FHAD1: variants seen among roughly 807,000 people sequenced by gnomAD.
The protein encoded by FHAD1 is forkhead associated phosphopeptide binding domain 1, also known as forkhead-associated domain-containing protein 1.
FHAD1 carries 146 observed loss-of-function variants against 191.3 expected under a neutral mutation model. That is an observed-to-expected ratio of 0.76 (90% confidence interval 0.67 to 0.88). The LOEUF is 0.88. FHAD1 is among the 40% of genes least tolerant of loss of function. The pLI is 0.00. For missense variants in FHAD1, 1,635 were observed against 1,785.8 expected (o/e 0.92, Z 1.52); for synonymous variants, 616 against 672.3 (o/e 0.92, Z 1.29).
intron 2 of FHAD1, among the ~76,000 whole-genome samples, chr1:15,260,666 C>T (rs952085091): frequency 1.3e-5 from 2 of 152,254 alleles, no homozygotes; most frequent in Admixed American, 6.5e-5. Context: ...CCGCATGGCT[C>T]AGGGCCCCTT....
At chr1:15,359,086 C>A (rs1693793208) in intron 21 of FHAD1, among the ~76,000 whole-genome samples, 1 of 151,914 alleles carries the variant, frequency 6.6e-6, no homozygotes, top group Non-Finnish European at 1.5e-5. Flanking sequence ...CGCCTGGGGA[C>A]CTGATGGCAT....
rs1367828732 is a variant in FHAD1, at chr1:15,324,474, A to T, written c.1388A>T (p.Asp463Val). 3.9e-6 allele frequency: 6 copies of T among 1,551,804 alleles called. No homozygotes were observed. The highest frequency in any genetic ancestry group is 2.0e-5 in the Admixed American group (1 of 50,996). ...CAGGTTGAAGAGAAGCTTCAGGAGG[A>T]TTCCAGAAGGAAATTGCTTCAGCTG... ...KSKVEEKLQEDSRRKLLQLQE... is the reference protein window; with the variant it reads ...KSKVEEKLQEVSRRKLLQLQE... Residue 463 changes from aspartate (D) to valine (V), a missense_variant, in exon 11 of 34, where the codon GAT becomes GTT. By Grantham distance (152) the Asp-to-Val change is radical. Transcript: ENST00000688493.
chr1:15,362,930 G>T (rs964928060), intron 23 of FHAD1, among the ~76,000 whole-genome samples: 3 of 152,172 alleles, frequency 2.0e-5, no homozygotes, highest in Admixed American at 6.5e-5. Flanking sequence ...AGCCAGGCCT[G>T]CTGCCTTCCC....
chr1:15,383,842 C>T, intron 31 of FHAD1: 2 of 444,102 alleles, frequency 4.5e-6, no homozygotes, highest in Non-Finnish European at 9.1e-6. Context: ...TAAGAGGCGC[C>T]CAAGTGCACA....
intron 27 of FHAD1, 147 bp from the exon 28 acceptor site, chr1:15,375,456 C>A: frequency 1.4e-6 from 1 of 735,408 alleles, no homozygotes; most frequent in Non-Finnish European, 2.1e-6. Flanking sequence ...CATTTAATCT[C>A]TCTAGGACTG....
intron 33 of FHAD1, among the ~76,000 whole-genome samples, chr1:15,393,396 C>T (rs984400033): frequency 3.4e-5 from 5 of 147,976 alleles, no homozygotes; most frequent in African/African-American, 7.7e-5. Context: ...AAAGCAATAG[C>T]CATATCTACA....
At position 15,289,363 on chromosome 1, in the gene FHAD1, G is replaced by T. The variant is rs1364164541; in HGVS notation, c.301-36G>T. On this transcript the variant is annotated intron_variant, in intron 3 of 33. Transcript: ENST00000688493. The surrounding 1 kb of genome is among the most constrained non-coding windows in gnomAD (Gnocchi z 4.2). Reference sequence around the variant, plus strand: ...AAAGAAATGGAGACCATCCCAGCCGGTCATAACCTCCCCTGACCCTTGTCT... The same window carrying T: ...AAAGAAATGGAGACCATCCCAGCCGTTCATAACCTCCCCTGACCCTTGTCT... 7 of 1,540,310 alleles carry T rather than the reference G, an allele frequency of 4.5e-6. No homozygotes were observed. The highest frequency in any genetic ancestry group is 6.1e-6 in the Non-Finnish European group (7 of 1,139,606).
intron 1 of FHAD1, among the ~76,000 whole-genome samples, chr1:15,238,490 AAACAG>A (rs1462808018): frequency 2.0e-5 from 3 of 152,226 alleles, no homozygotes; most frequent in Non-Finnish European, 4.4e-5. Flanking sequence ...GCTATTCAAT[AAACAG>A]ACACAAGGGA....
At chr1:15,283,177 G>T (rs1661194939) in intron 3 of FHAD1, among the ~76,000 whole-genome samples, 1 of 152,260 alleles carries the variant, frequency 6.6e-6, no homozygotes, top group African/African-American at 2.4e-5. Context: ...CCATGGAAAG[G>T]GGTGGTACCT....
Position 15,381,928 on chromosome 1 carries a change from C to T in FHAD1, c.4023-100C>T. Reference sequence around the variant, plus strand: ...TTGTGATGACACTCCTGAGTGAGCCCCCACTGTGGATGTATTTTGAGAGAC... The same window carrying T: ...TTGTGATGACACTCCTGAGTGAGCCTCCACTGTGGATGTATTTTGAGAGAC... On this transcript the variant is annotated intron_variant, in intron 30 of 33. Transcript: ENST00000688493. This position sits in a 1 kb window ranked among gnomAD's most constrained non-coding sequence, Gnocchi z 4.6. The T allele has an allele frequency of 7.6e-7, 1 of 1,310,134 alleles. No individual in the cohort carries two copies. Among genetic ancestry groups the T allele is most frequent in the Non-Finnish European group, 1.1e-6 (1 of 950,902 alleles). 81.2% of individuals were successfully genotyped at this position (1,310,134 alleles called of 1,614,324 possible).
chr1:15,278,352 T>C (rs1659244435), intron 3 of FHAD1, among the ~76,000 whole-genome samples: 1 of 152,172 alleles, frequency 6.6e-6, no homozygotes, highest in African/African-American at 2.4e-5. Context: ...TAGGAGATTC[T>C]GGGGATAGGA....
intron 21 of FHAD1, among the ~76,000 whole-genome samples, chr1:15,359,658 G>A (rs1694032196): frequency 6.6e-6 from 1 of 152,010 alleles, no homozygotes; most frequent in Non-Finnish European, 1.5e-5. Context: ...GACCAGCCTG[G>A]CCAACATGGC....
downstream of FHAD1, among the ~76,000 whole-genome samples, chr1:15,398,378 T>C (rs183727450): frequency 6.6e-6 from 1 of 152,224 alleles, no homozygotes; most frequent in Non-Finnish European, 1.5e-5. Context: ...CACTCTACAA[T>C]TTTCAAAACA....
In FHAD1 at chr1:15,362,667, C is replaced by G; in HGVS notation, c.2988C>G (p.Asp996Glu). The G allele has an allele frequency of 6.4e-7, 1 of 1,551,826 alleles. No individual in the cohort carries two copies. Among genetic ancestry groups the G allele is most frequent in the East Asian group, 2.4e-5 (1 of 40,928 alleles). ...CCCCAAAGGAGGAAAGGCCGCAAGA[C>G]CCTCTGGTGGCTCCCATGACAGAGA... Reference protein sequence around the residue: ...DPAPKEERPQDPLVAPMTESS... With the variant: ...DPAPKEERPQEPLVAPMTESS... The change falls in exon 23 of 34, where the codon GAC becomes GAG. Residue 996 changes from aspartate to glutamate, a missense_variant. Physicochemically the swap from Asp to Glu is conservative, Grantham distance 45. Transcript: ENST00000688493.
chr1:15,245,172 G>A (rs781418608), upstream of FHAD1, among the ~76,000 whole-genome samples: 71 of 152,156 alleles, frequency 4.7e-4, no homozygotes, highest in Non-Finnish European at 6.3e-4. Flanking sequence ...AGCACCTCCC[G>A]CCAGGCCCCA....
chr1:15,348,357 G>A (rs1454808441), intron 18 of FHAD1, among the ~76,000 whole-genome samples: 1 of 152,180 alleles, frequency 6.6e-6, no homozygotes. Flanking sequence ...AATAGAGGTG[G>A]CCCTTCTCAT....
intron 6 of FHAD1, among the ~76,000 whole-genome samples, chr1:15,304,815 G>A (rs554987305): frequency 7.2e-5 from 11 of 152,266 alleles, no homozygotes; most frequent in East Asian, 5.8e-4. Flanking sequence ...GAAATGGGCC[G>A]TAGAAATTGT....
chr1:15,394,074 CT>C (rs1399495870), intron 33 of FHAD1, among the ~76,000 whole-genome samples: 7 of 152,296 alleles, frequency 4.6e-5, no homozygotes, highest in Middle Eastern at 3.4e-3. Context: ...CTACCCCTGC[CT>C]TTTCATTCTA....
At chr1:15,359,349 GTATC>G (rs1290234067) in intron 21 of FHAD1, among the ~76,000 whole-genome samples, 1 of 152,120 alleles carries the variant, frequency 6.6e-6, no homozygotes, top group Non-Finnish European at 1.5e-5. Flanking sequence ...GGCAAAGAAT[GTATC>G]TGTCATGGGT....
Sources: gnomAD v4.1 joint callset for allele counts (sites outside exome capture counted in the v4.1 genomes callset) on GRCh38, gnomAD v4.1.1 for gene constraint, Gnocchi (gnomAD v3.1) non-coding constraint, MANE v1.5 for transcripts, NCBI Gene and HGNC (gene_info 2026-07-23, HGNC 2026-07-21) for gene names.